The following IL1RAPL2 variants were observed in gnomAD, a reference collection of about 807,000 sequenced individuals.
IL1RAPL2 encodes interleukin 1 receptor accessory protein like 2.
Under a neutral mutation model 44.1 loss-of-function variants are expected in IL1RAPL2, and 3 were observed. The observed-to-expected ratio is 0.07, with a 90% confidence interval of 0.03 to 0.18. The LOEUF is 0.18. Ranked by LOEUF, IL1RAPL2 falls within the 10% of genes least tolerant of loss-of-function variation. The pLI, the probability that IL1RAPL2 is intolerant of heterozygous loss-of-function variation, is 1.00. For synonymous variants in IL1RAPL2, 181 were observed against 178.8 expected (o/e 1.01, Z -0.10); for missense variants, 391 against 496.4 (o/e 0.79, Z 2.02).
At chrX:105,383,850 A>G (rs2035455820) in intron 5 of IL1RAPL2, among the ~76,000 whole-genome samples, 1 of 111,693 alleles carries the variant, frequency 9.0e-6, no homozygotes, top group Admixed American at 9.5e-5. Flanking sequence ...GCATTTATCT[A>G]ATGATTGGTG....
chrX:105,733,579 T>C (rs2038422367), intron 7 of IL1RAPL2, among the ~76,000 whole-genome samples: 1 of 111,449 alleles, frequency 9.0e-6, no homozygotes, highest in East Asian at 2.8e-4. Flanking sequence ...GAATTTCAGT[T>C]TAGGAGGTTT....
At chrX:105,708,326 G>C in intron 6 of IL1RAPL2, among the ~76,000 whole-genome samples, 1 of 111,563 alleles carries the variant, frequency 9.0e-6, no homozygotes, top group South Asian at 3.7e-4. Flanking sequence ...TTCCACAGCT[G>C]TGTTTTAAAT....
At chrX:104,622,330 G>C (rs181827471) in intron 1 of IL1RAPL2, among the ~76,000 whole-genome samples, 2 of 97,097 alleles carry the variant, frequency 2.1e-5, no homozygotes, top group Non-Finnish European at 3.8e-5. Context: ...CCTGATGTAA[G>C]GTGTGAACAA....
At chrX:104,964,255 A>T (rs2030069269) in intron 2 of IL1RAPL2, among the ~76,000 whole-genome samples, 1 of 109,368 alleles carries the variant, frequency 9.1e-6, no homozygotes, top group African/African-American at 3.3e-5. Flanking sequence ...ACCTGCCTTT[A>T]TCATGGTACT....
intron 2 of IL1RAPL2, among the ~76,000 whole-genome samples, chrX:104,907,887 A>C (rs1183301173): frequency 5.9e-4 from 65 of 109,460 alleles, no homozygotes; most frequent in Middle Eastern, 4.7e-3. Context: ...TGATCTGTCT[A>C]ATGTTGACAG....
At chrX:105,735,916 C>T (rs1242301054) in intron 7 of IL1RAPL2, among the ~76,000 whole-genome samples, 2 of 111,199 alleles carry the variant, frequency 1.8e-5, no homozygotes, top group East Asian at 5.6e-4. Context: ...AAAAAGAGCC[C>T]GAATAGCCAA....
At chrX:105,386,523 A>T (rs936611816) in intron 5 of IL1RAPL2, among the ~76,000 whole-genome samples, 94 of 111,924 alleles carry the variant, frequency 8.4e-4, no homozygotes, top group African/African-American at 2.9e-3. Flanking sequence ...TGACAATATA[A>T]TCATAAACGA....
chrX:105,246,513 T>TA (rs780037405), intron 4 of IL1RAPL2, among the ~76,000 whole-genome samples: 1 of 111,676 alleles, frequency 9.0e-6, no homozygotes, highest in East Asian at 2.9e-4. Context: ...GGAACAAATG[T>TA]AACTAAATGC....
intron 2 of IL1RAPL2, among the ~76,000 whole-genome samples, chrX:104,752,560 G>C (rs1266447810): frequency 9.1e-6 from 1 of 110,222 alleles, no homozygotes; most frequent in African/African-American, 3.3e-5. Flanking sequence ...ATCTATTTGA[G>C]TCATGTCACA....
rs151173785 is a variant in IL1RAPL2 at position 104,649,000 on chromosome X, C to T, written c.-19-9895C>T. 7.2e-3 allele frequency among the ~76,000 whole-genome samples: 800 copies of T among 111,313 alleles called. 6 individuals are homozygous for T. The highest frequency in any genetic ancestry group is 0.025 in the African/African-American group (756 of 30,699). ...CTCAATGTTTCATCACTCACTATTCCTCTTATCTATTCCCCTTTTTTGCTA... is the reference window on the plus strand; with the variant it reads ...CTCAATGTTTCATCACTCACTATTCTTCTTATCTATTCCCCTTTTTTGCTA... On this transcript the variant is annotated intron_variant, in intron 1 of 10. Transcript: ENST00000372582.
At chrX:105,045,716 T>A (rs759254221) in intron 2 of IL1RAPL2, among the ~76,000 whole-genome samples, 2 of 110,419 alleles carry the variant, frequency 1.8e-5, no homozygotes, top group Non-Finnish European at 3.8e-5. Flanking sequence ...CTTGGCTAAC[T>A]TTTTAAAATT....
chrX:105,383,151 TA>T (rs1207646237), intron 5 of IL1RAPL2, among the ~76,000 whole-genome samples: 31 of 102,205 alleles, frequency 3.0e-4, no homozygotes, highest in Middle Eastern at 5.1e-3. Context: ...AACGCAAAAA[TA>T]AAAAAAAAAA....
intron 2 of IL1RAPL2, among the ~76,000 whole-genome samples, chrX:104,925,519 T>C (rs1377950118): frequency 8.9e-6 from 1 of 111,979 alleles, no homozygotes; most frequent in Non-Finnish European, 1.9e-5. Context: ...AACTAGGCTT[T>C]ATCCCTGGAA....
At chrX:105,760,060 T>A (rs2038674181) in intron 10 of IL1RAPL2, among the ~76,000 whole-genome samples, 1 of 111,532 alleles carries the variant, frequency 9.0e-6, no homozygotes, top group African/African-American at 3.3e-5. Flanking sequence ...GTGTCCATTA[T>A]CCCCTTCATG....
At chrX:104,789,351 C>A in intron 2 of IL1RAPL2, among the ~76,000 whole-genome samples, 1 of 111,672 alleles carries the variant, frequency 9.0e-6, no homozygotes, top group Middle Eastern at 4.6e-3. Context: ...TGCCCATGAG[C>A]ACCCAATATT....
At chrX:104,649,755 A>G in intron 1 of IL1RAPL2, among the ~76,000 whole-genome samples, 1 of 111,774 alleles carries the variant, frequency 8.9e-6, no homozygotes, top group Non-Finnish European at 1.9e-5. Flanking sequence ...ACTGTGTCCA[A>G]ATGTATCCAT....
At chrX:104,809,336 C>A (rs919806182) in intron 2 of IL1RAPL2, among the ~76,000 whole-genome samples, 1 of 111,481 alleles carries the variant, frequency 9.0e-6, no homozygotes, top group African/African-American at 3.3e-5. Flanking sequence ...AGTTTACAGT[C>A]CCACCAACAG....
In IL1RAPL2 at chrX:104,874,832, C is replaced by T. The variant is rs1922862869; in HGVS notation, c.82+215837C>T. The stretch of plus-strand genomic sequence containing the variant: ...GATTAAAGTTTGTCATTAGTTTTCT[C>T]AAGCCTTACTGATTTCACAGAACTG... On this transcript the variant is annotated intron_variant, in intron 2 of 10. Transcript: ENST00000372582. Among the ~76,000 whole-genome samples, 3 of 111,637 alleles carry T rather than the reference C, an allele frequency of 2.7e-5. No individual in the cohort carries two copies. The Admixed American group carries it at 2.9e-4, about 11-fold the overall frequency.
chrX:105,288,811 C>T (rs942612700), intron 5 of IL1RAPL2, among the ~76,000 whole-genome samples: 1 of 110,508 alleles, frequency 9.0e-6, no homozygotes, highest in Admixed American at 9.7e-5. Context: ...TGAATATTGT[C>T]GTGAGCACAT....
Sources: gnomAD v4.1 joint callset for allele counts (sites outside exome capture counted in the v4.1 genomes callset) on GRCh38, gnomAD v4.1.1 for gene constraint, MANE v1.5 for transcripts, NCBI Gene and HGNC (gene_info 2026-07-23, HGNC 2026-07-21) for gene names.